The following TRAPPC9 variants were observed in gnomAD, a reference collection of about 807,000 sequenced individuals.
The protein encoded by TRAPPC9 is trafficking protein particle complex subunit 9.
TRAPPC9 carries 83 observed loss-of-function variants against 124.0 expected under a neutral mutation model. The ratio of observed to expected loss-of-function variants is 0.67; its 90% CI spans 0.56 to 0.80. The LOEUF (loss-of-function observed/expected upper bound fraction) is 0.80, where lower values mean the gene tolerates loss of function less well. Among genes scored for constraint, TRAPPC9 ranks in the 30% least tolerant of loss-of-function variants. The pLI, the probability that TRAPPC9 is intolerant of heterozygous loss-of-function variation, is 0.00. For missense variants in TRAPPC9, 1,302 were observed against 1,508.3 expected (o/e 0.86, Z 2.27); for synonymous variants, 638 against 617.5 (o/e 1.03, Z -0.49).
chr8:140,360,375 G>A (rs1466925705), intron 8 of TRAPPC9, among the ~76,000 whole-genome samples, 182 bp from the exon 9 acceptor site: 1 of 152,180 alleles, frequency 6.6e-6, no homozygotes, highest in Non-Finnish European at 1.5e-5. Flanking sequence ...AGTTGGCATG[G>A]TTTTCATACA....
At chr8:140,053,401 T>C (rs932346675) in intron 17 of TRAPPC9, among the ~76,000 whole-genome samples, 3 of 152,236 alleles carry the variant, frequency 2.0e-5, no homozygotes, top group African/African-American at 7.2e-5. Context: ...TTTTTAGCTT[T>C]ATTCTACTGG....
intron 17 of TRAPPC9, among the ~76,000 whole-genome samples, chr8:140,062,194 C>T (rs962878996): frequency 6.6e-6 from 1 of 152,138 alleles, no homozygotes; most frequent in Non-Finnish European, 1.5e-5. Flanking sequence ...CTGCCTGAAA[C>T]CAGGATGGGC....
At chr8:139,785,537 AACACAC>A (rs57202244) in intron 21 of TRAPPC9, among the ~76,000 whole-genome samples, 2,801 of 138,256 alleles carry the variant, frequency 0.02, 86 homozygotes, top group African/African-American at 0.065. Flanking sequence ...ATCTCTACTA[AACACAC>A]ACACACACAC....
intron 19 of TRAPPC9, among the ~76,000 whole-genome samples, chr8:139,960,521 A>G (rs1835309746): frequency 6.6e-6 from 1 of 152,180 alleles, no homozygotes. Flanking sequence ...ACCCTTTGTC[A>G]GGCCAGCTCC....
intron 9 of TRAPPC9, among the ~76,000 whole-genome samples, chr8:140,329,151 AG>A (rs1180605875): frequency 6.6e-6 from 1 of 152,170 alleles, no homozygotes; most frequent in Non-Finnish European, 1.5e-5. Context: ...AGAGGGCCCA[AG>A]GATGACATCC....
At position 140,122,404 on chromosome 8, in the gene TRAPPC9, T is replaced by C. The variant is rs527875536; in HGVS notation, c.2557-98325A>G. Among the ~76,000 whole-genome samples, 4 of 152,314 alleles carry C rather than the reference T, an allele frequency of 2.6e-5. No individual in the cohort carries two copies. In the East Asian group the frequency reaches 7.7e-4, roughly 29 times the overall value. On this transcript the variant is annotated intron_variant, in intron 17 of 22. Coordinates refer to ENST00000438773, the MANE Select transcript of TRAPPC9 (RefSeq NM_001160372.4). Reference sequence around the variant, plus strand: ...TAGAAACTGTGTGCTAATTAATATATGTTGTTCTAGGCCACTACATTTGTG... The same window carrying C: ...TAGAAACTGTGTGCTAATTAATATACGTTGTTCTAGGCCACTACATTTGTG...
At chr8:139,872,014 TG>T (rs1224544970) in intron 21 of TRAPPC9, among the ~76,000 whole-genome samples, 47 of 151,788 alleles carry the variant, frequency 3.1e-4, no homozygotes, top group African/African-American at 9.4e-4. Context: ...GTAGATGGGT[TG>T]GTGGGTAAAT....
chr8:140,029,136 C>T (rs1035331096), intron 17 of TRAPPC9, among the ~76,000 whole-genome samples: 1 of 152,198 alleles, frequency 6.6e-6, no homozygotes, highest in Non-Finnish European at 1.5e-5. Context: ...AATGGTCACA[C>T]ATTACCAAAA....
chr8:140,133,237 A>T (rs1486517328), intron 17 of TRAPPC9, among the ~76,000 whole-genome samples: 1 of 152,230 alleles, frequency 6.6e-6, no homozygotes, highest in Non-Finnish European at 1.5e-5. Flanking sequence ...TTATTCCTAG[A>T]ACGTAAGGAT....
chr8:140,458,505 C>A, upstream of TRAPPC9: 2 of 1,581,670 alleles, frequency 1.3e-6, no homozygotes, highest in Non-Finnish European at 1.7e-6. Flanking sequence ...AGGTGCGAGC[C>A]CCAGCCTGGG....
At chr8:139,814,473 C>T (rs181225224) in intron 21 of TRAPPC9, among the ~76,000 whole-genome samples, 2 of 152,216 alleles carry the variant, frequency 1.3e-5, no homozygotes, top group Admixed American at 1.3e-4. Flanking sequence ...GACCCCGGGG[C>T]CCCTGAGGAG....
chr8:140,332,263 T>C (rs530414892), intron 9 of TRAPPC9, among the ~76,000 whole-genome samples: 8 of 152,142 alleles, frequency 5.3e-5, no homozygotes, highest in Non-Finnish European at 1.2e-4. Context: ...TTCTCTCTCA[T>C]ATGTGGAAGC....
intron 21 of TRAPPC9, among the ~76,000 whole-genome samples, chr8:139,768,637 C>T (rs899084152): frequency 2.1e-4 from 32 of 152,238 alleles, no homozygotes; most frequent in African/African-American, 7.0e-4. Context: ...CTACAATGAG[C>T]ATGACTTCCG....
intron 17 of TRAPPC9, among the ~76,000 whole-genome samples, chr8:140,218,296 G>A (rs2063250163): frequency 1.3e-5 from 2 of 152,094 alleles, no homozygotes. Context: ...ATAGGTCTGA[G>A]GGGTGGGATT....
intron 19 of TRAPPC9, among the ~76,000 whole-genome samples, chr8:139,977,467 A>C (rs1836555036): frequency 6.6e-6 from 1 of 151,282 alleles, no homozygotes; most frequent in African/African-American, 2.4e-5. Flanking sequence ...AAATACAAAA[A>C]ATTAGCCGGG....
intron 16 of TRAPPC9, among the ~76,000 whole-genome samples, chr8:140,232,071 G>A (rs2063611759): frequency 6.6e-6 from 1 of 151,518 alleles, no homozygotes; most frequent in Non-Finnish European, 1.5e-5. Flanking sequence ...ACTGTGCCCA[G>A]CCTGTTTTTT....
At chr8:139,772,425 C>T (rs1216887688) in intron 21 of TRAPPC9, among the ~76,000 whole-genome samples, 1 of 152,164 alleles carries the variant, frequency 6.6e-6, no homozygotes, top group Non-Finnish European at 1.5e-5. Flanking sequence ...ATCTGACAGT[C>T]CCCAAACTCC....
intron 21 of TRAPPC9, among the ~76,000 whole-genome samples, chr8:139,810,393 G>C (rs955893838): frequency 2.0e-5 from 3 of 152,172 alleles, no homozygotes; most frequent in Non-Finnish European, 4.4e-5. Context: ...TGCGAGCCAG[G>C]GTCCAGCCGG....
At chr8:139,800,894 C>G (rs2130674978) in intron 21 of TRAPPC9, among the ~76,000 whole-genome samples, 1 of 151,008 alleles carries the variant, frequency 6.6e-6, no homozygotes, top group South Asian at 2.1e-4. Context: ...TCTTCCCGCC[C>G]TCCGGTACCT....
Sources: gnomAD v4.1 joint callset for allele counts (sites outside exome capture counted in the v4.1 genomes callset) on GRCh38, gnomAD v4.1.1 for gene constraint, MANE v1.5 for transcripts, NCBI Gene and HGNC (gene_info 2026-07-23, HGNC 2026-07-21) for gene names.